The following ZNF423 variants were observed in gnomAD, a reference collection of about 807,000 sequenced individuals.
ZNF423 encodes the protein zinc finger protein 423, also known as Ebf-associated zinc finger protein.
A neutral mutation model predicts 95.8 loss-of-function variants in ZNF423; 12 were observed. The observed-to-expected ratio is 0.13, with a 90% confidence interval of 0.08 to 0.20. The LOEUF is 0.20. ZNF423 is among the 10% of genes least tolerant of loss of function. ZNF423 has a pLI of 1.00. For missense variants in ZNF423, 1,316 were observed against 1,737.1 expected, an observed-to-expected ratio of 0.76 and a Z score of 4.31; for synonymous variants, 749 against 711.9, an observed-to-expected ratio of 1.05 and a Z score of -0.83.
chr16:49,623,229 C>T (rs183624520), intron 5 of ZNF423, among the ~76,000 whole-genome samples: 15 of 152,330 alleles, frequency 9.8e-5, no homozygotes, highest in Admixed American at 8.5e-4. Context: ...CAGCTGACAG[C>T]GCTGCAGGGC....
At chr16:49,797,141 G>C (rs2096087430) in intron 1 of ZNF423, among the ~76,000 whole-genome samples, 1 of 150,104 alleles carries the variant, frequency 6.7e-6, no homozygotes, top group South Asian at 2.1e-4. Context: ...ACAGGTAAAG[G>C]GGACAGCGAG....
At chr16:49,782,432 C>T (rs1029459668) in intron 2 of ZNF423, among the ~76,000 whole-genome samples, 2 of 152,206 alleles carry the variant, frequency 1.3e-5, no homozygotes, top group African/African-American at 4.8e-5. Flanking sequence ...AGTGACGGTT[C>T]CTATTAACCA....
intron 3 of ZNF423, among the ~76,000 whole-genome samples, chr16:49,657,297 T>G (rs2029926818): frequency 6.6e-6 from 1 of 152,080 alleles, no homozygotes; most frequent in Admixed American, 6.5e-5. Context: ...ATGGAGAAAC[T>G]CCCCAAAAAC....
intron 2 of ZNF423, among the ~76,000 whole-genome samples, chr16:49,785,489 T>C (rs1597006403): frequency 6.6e-6 from 1 of 152,264 alleles, no homozygotes; most frequent in South Asian, 2.1e-4. Context: ...TTGTATGATA[T>C]GTGAATTATA....
At chr16:49,620,164 A>G (rs1013181293) in intron 5 of ZNF423, among the ~76,000 whole-genome samples, 1 of 142,762 alleles carries the variant, frequency 7.0e-6, no homozygotes, top group African/African-American at 2.7e-5. Context: ...CACACACACC[A>G]CACACACACA....
chr16:49,601,283 C>A (rs950924804), intron 5 of ZNF423, among the ~76,000 whole-genome samples: 1 of 152,200 alleles, frequency 6.6e-6, no homozygotes, highest in Non-Finnish European at 1.5e-5. Context: ...GCTGTGTCAC[C>A]TTGGGCAGGT....
chr16:49,735,234 C>T (rs1352678044), intron 2 of ZNF423, among the ~76,000 whole-genome samples: 2 of 152,162 alleles, frequency 1.3e-5, no homozygotes, highest in Non-Finnish European at 2.9e-5. Context: ...GGGCTTCCCA[C>T]TCCTGATCTC....
At chr16:49,692,724 C>A (rs1022253336) in intron 3 of ZNF423, among the ~76,000 whole-genome samples, 7 of 152,254 alleles carry the variant, frequency 4.6e-5, no homozygotes, top group East Asian at 1.9e-4. Context: ...CCACTCACAA[C>A]ATGCTAGACA....
At position 49,818,784 on chromosome 16, in the gene ZNF423, G is replaced by A. The variant is rs892555071; in HGVS notation, c.41-29238C>T. On this transcript the variant is annotated intron_variant, in intron 1 of 7. Transcript: ENST00000563137. ...CGCCTGTAGTCCCAGCTACTCCAGA[G>A]GCTGAGATGAGAGGATCACTTGAGC... Among the ~76,000 whole-genome samples, 131 of 152,214 alleles carry A rather than the reference G, an allele frequency of 8.6e-4. 1 individual carries two copies. The highest frequency in any genetic ancestry group is 3.0e-3 in the African/African-American group (125 of 41,522).
At chr16:49,518,436 T>C (rs952055056) in intron 7 of ZNF423, 4 of 433,536 alleles carry the variant, frequency 9.2e-6, no homozygotes, top group Non-Finnish European at 1.8e-5. Flanking sequence ...CACAGAACAC[T>C]AGCAGACTTA....
intron 3 of ZNF423, among the ~76,000 whole-genome samples, chr16:49,687,123 C>A (rs915887122): frequency 1.3e-5 from 2 of 152,028 alleles, no homozygotes; most frequent in Admixed American, 6.5e-5. Flanking sequence ...TCATACACCA[C>A]CCCCGTGGTT....
At chr16:49,501,195 A>G (rs1418030951) in intron 7 of ZNF423, among the ~76,000 whole-genome samples, 1 of 152,192 alleles carries the variant, frequency 6.6e-6, no homozygotes, top group African/African-American at 2.4e-5. Flanking sequence ...TCAGGTTCAC[A>G]CCATGGACAA....
Position 49,546,871 on chromosome 16 carries a change from T to C in ZNF423, c.3602-21377A>G, listed in dbSNP as rs145714961. Among the ~76,000 whole-genome samples, 370 of 152,180 alleles carry C rather than the reference T, an allele frequency of 2.4e-3. 1 individual carries two copies. The highest frequency in any genetic ancestry group is 8.6e-3 in the African/African-American group (357 of 41,512). On this transcript the variant is annotated intron_variant, in intron 5 of 7. Coordinates refer to ENST00000563137, the MANE Select transcript of ZNF423 (RefSeq NM_001379286.1). ...GCAAAGCAAGAGAGAAGAAAGAGCATAACATTTGTTAACTGGGGGACGTCA... is the reference window on the plus strand; with the variant it reads ...GCAAAGCAAGAGAGAAGAAAGAGCACAACATTTGTTAACTGGGGGACGTCA...
At chr16:49,577,061 C>T (rs1028442235) in intron 5 of ZNF423, among the ~76,000 whole-genome samples, 1 of 152,004 alleles carries the variant, frequency 6.6e-6, no homozygotes, top group Admixed American at 6.6e-5. Context: ...AAAGACAACC[C>T]GGGCAGACAA....
At chr16:49,648,509 G>T (rs1011974026) in intron 3 of ZNF423, among the ~76,000 whole-genome samples, 2 of 152,042 alleles carry the variant, frequency 1.3e-5, no homozygotes, top group African/African-American at 4.8e-5. Context: ...GGGCATGGTG[G>T]CACATGCCTG....
At position 49,635,844 on chromosome 16, in the gene ZNF423, T is replaced by C. The variant is rs766014146; in HGVS notation, c.3332A>G (p.Gln1111Arg). 1 of 1,601,538 alleles carries C rather than the reference T, an allele frequency of 6.2e-7. No individual in the cohort carries two copies. The highest frequency in any genetic ancestry group is 8.5e-7 in the Non-Finnish European group (1 of 1,175,220). Residue 1111 changes from glutamine (Q) to arginine (R), a missense_variant, in exon 4 of 8, where the codon CAG (glutamine) becomes CGG (arginine). By Grantham distance (43) the Gln-to-Arg change is conservative. This residue lies in a region of ZNF423 where 620 missense variants were observed against 775.6 expected (regional missense o/e 0.80). Transcript: ENST00000563137. The surrounding 1 kb of genome is among the most constrained non-coding windows in gnomAD (Gnocchi z 4.8). The part of the protein sequence containing the change: ...AGCMARSANG[Q>R]VGGLAPPEPA... ...CTCGGGCGGGGCCAGGCCACCCACC[T>C]GTCCGTTGGCGCTGCGGGCCATGCA... is the stretch of plus-strand genomic sequence containing the variant.
chr16:49,856,335 TGAG>T (rs2035369562), upstream of ZNF423, among the ~76,000 whole-genome samples: 1 of 147,146 alleles, frequency 6.8e-6, no homozygotes, highest in African/African-American at 2.5e-5. Flanking sequence ...TGAACCCATC[TGAG>T]GAGGGGGAAC....
chr16:49,751,724 T>C (rs2033636190), intron 2 of ZNF423, among the ~76,000 whole-genome samples: 1 of 152,110 alleles, frequency 6.6e-6, no homozygotes, highest in Non-Finnish European at 1.5e-5. Flanking sequence ...GGCTTCTGAG[T>C]GTCGGGAGAG....
intron 2 of ZNF423, among the ~76,000 whole-genome samples, chr16:49,788,739 G>A (rs935632968): frequency 2.0e-5 from 3 of 152,204 alleles, no homozygotes; most frequent in Non-Finnish European, 2.9e-5. Flanking sequence ...AGGGGATCCC[G>A]GCGCCTGCCG....
Sources: allele counts gnomAD v4.1 joint callset (sites outside exome capture counted in the v4.1 genomes callset), GRCh38; gene constraint gnomAD v4.1.1; regional missense constraint gnomAD v4.1.1; non-coding constraint Gnocchi (gnomAD v3.1); transcripts MANE v1.5; gene names NCBI Gene and HGNC (gene_info 2026-07-23, HGNC 2026-07-21).